The following TMEM143 variants were observed in gnomAD, a reference collection of about 807,000 sequenced individuals.
TMEM143 encodes transmembrane protein 143.
A neutral mutation model predicts 40.3 loss-of-function variants in TMEM143; 45 were observed. The ratio of observed to expected loss-of-function variants is 1.12; its 90% CI spans 0.88 to 1.43. The LOEUF (loss-of-function observed/expected upper bound fraction) is 1.43. Among genes scored for constraint, TMEM143 ranks in the 40% most tolerant of loss-of-function variants. The pLI, the probability that TMEM143 is intolerant of heterozygous loss-of-function variation, is 0.00. For synonymous variants in TMEM143, 299 were observed against 282.7 expected, an observed-to-expected ratio of 1.06 and a Z score of -0.58; for missense variants, 620 against 613.4, an observed-to-expected ratio of 1.01 and a Z score of -0.11.
Position 48,333,210 on chromosome 19 carries a change from A to G in TMEM143, c.*9T>C, listed in dbSNP as rs200166691. ...TAGCCTGCTGACTGGGCAGGGAGGT[A>G]GGTTCTACTCAGGAGATGTTACTGC... is the stretch of plus-strand genomic sequence containing the variant. On this transcript the variant is annotated 3_prime_UTR_variant, in exon 8 of 8. Transcript: ENST00000293261. This position sits in a 1 kb window ranked among gnomAD's most constrained non-coding sequence, Gnocchi z 4.1. The G allele has an allele frequency of 3.7e-5, 53 of 1,438,724 alleles. No individual in the cohort carries two copies. The African/African-American group carries it at 7.5e-4, about 20-fold the overall frequency. 89.1% of individuals were successfully genotyped at this position (1,438,724 alleles called of 1,614,324 possible).
intron 5 of TMEM143, 178 bp downstream of exon 5, chr19:48,343,143 A>T: frequency 1.2e-6 from 1 of 825,572 alleles, no homozygotes; most frequent in South Asian, 1.8e-5. Context: ...CCTGGGAATC[A>T]AGTGTAGTAC....
intron 4 of TMEM143, 135 bp from the exon 5 acceptor site, chr19:48,343,586 G>A (rs1421606460): frequency 8.3e-7 from 1 of 1,207,908 alleles, no homozygotes; most frequent in South Asian, 1.5e-5. Flanking sequence ...TCTAGGCAGG[G>A]CTGTCACATA....
chr19:48,358,338 C>T (rs1180482316), intron 3 of TMEM143, among the ~76,000 whole-genome samples: 1 of 151,192 alleles, frequency 6.6e-6, no homozygotes. Context: ...GAGCCAAGAT[C>T]GCACCATTGC....
At position 48,333,157 on chromosome 19, in the gene TMEM143, T is replaced by C; in HGVS notation, c.*62A>G. On this transcript the variant is annotated 3_prime_UTR_variant, in exon 8 of 8. Coordinates refer to ENST00000293261, the MANE Select transcript of TMEM143 (RefSeq NM_018273.4). This position sits in a 1 kb window ranked among gnomAD's most constrained non-coding sequence, Gnocchi z 4.1. ...AGTATAATAACCGTAATTGACAGCC[T>C]GTCGTGAAGGAGGCGGGGCTTAGTT... is the stretch of plus-strand genomic sequence containing the variant. 1.6e-6 allele frequency: 2 copies of C among 1,259,892 alleles called. No individual in the cohort carries two copies. The highest frequency in any genetic ancestry group is 4.1e-5 in the South Asian group (2 of 48,848). The allele number at this position is 1,259,892 out of a possible 1,614,324, so 78.0% of individuals were successfully genotyped here. A position where few individuals can be genotyped will look rare whatever the true frequency, so the allele number is the denominator to read the frequency against.
intron 3 of TMEM143, among the ~76,000 whole-genome samples, chr19:48,351,457 C>T (rs1419821716): frequency 2.0e-5 from 3 of 152,178 alleles, no homozygotes; most frequent in Non-Finnish European, 4.4e-5. Context: ...CACCAGAGGG[C>T]GCCAGTTTGC....
At chr19:48,353,047 G>A (rs1969811295) in intron 3 of TMEM143, among the ~76,000 whole-genome samples, 1 of 152,056 alleles carries the variant, frequency 6.6e-6, no homozygotes, top group African/African-American at 2.4e-5. Flanking sequence ...GTCTGTACAT[G>A]TTCACTACTG....
At position 48,363,463 on chromosome 19, in the gene TMEM143, C is replaced by T. The variant is rs756930324; in HGVS notation, c.92G>A (p.Trp31Ter). The change falls in exon 2 of 8, where the codon TGG becomes TAG. Residue 31 changes from tryptophan (W) to a stop codon, truncating the protein, a stop_gained. Transcript: ENST00000293261. LOFTEE classifies it high-confidence loss of function. ...CCCGAGGAGCGCGGGCAACAGTGGC[C>T]ATACTCGGACCCTGGACCCCCAGAC... ...RGVWGSRVRVWPLLPALLGPP... is the reference protein window; with the variant it reads ...RGVWGSRVRV 3 of 1,613,964 alleles carry T rather than the reference C, an allele frequency of 1.9e-6. No individual in the cohort carries two copies. The highest frequency in any genetic ancestry group is 1.7e-6 in the Non-Finnish European group (2 of 1,179,992).
chr19:48,341,203 G>T (rs570135851), intron 6 of TMEM143, among the ~76,000 whole-genome samples: 81 of 152,316 alleles, frequency 5.3e-4, no homozygotes, highest in African/African-American at 1.9e-3. Flanking sequence ...TCAGTAAAAG[G>T]CAGCTCCCCT....
chr19:48,352,091 C>A (rs1252628597), intron 3 of TMEM143, among the ~76,000 whole-genome samples: 2 of 151,128 alleles, frequency 1.3e-5, no homozygotes, highest in African/African-American at 2.4e-5. Context: ...ACTAAAAATA[C>A]AAAAAATTAG....
intron 3 of TMEM143, among the ~76,000 whole-genome samples, chr19:48,350,793 G>A (rs1279073670): frequency 3.3e-5 from 5 of 151,798 alleles, no homozygotes; most frequent in East Asian, 1.9e-4. Context: ...ATGGTGGTGC[G>A]CGCCTGTAGT....
chr19:48,355,815 G>A (rs1030954848), intron 3 of TMEM143, among the ~76,000 whole-genome samples: 2 of 152,196 alleles, frequency 1.3e-5, no homozygotes, highest in Non-Finnish European at 2.9e-5. Flanking sequence ...GGGGCCTGGG[G>A]CCACACTGGA....
intron 3 of TMEM143, among the ~76,000 whole-genome samples, chr19:48,356,203 C>T (rs572717053): frequency 7.9e-5 from 12 of 151,796 alleles, no homozygotes; most frequent in South Asian, 4.2e-4. Context: ...CTGCAACCTC[C>T]GCCTCCTGGG....
At chr19:48,345,099 A>T (rs1969589999) in intron 4 of TMEM143, 61 bp downstream of exon 4, 6 of 1,560,594 alleles carry the variant, frequency 3.8e-6, no homozygotes, top group Non-Finnish European at 5.2e-6. Context: ...CATGCCTCTC[A>T]GAGGCTCTGC....
chr19:48,334,416 C>CTCTTTTTCTT, intron 6 of TMEM143, among the ~76,000 whole-genome samples: 1 of 108,200 alleles, frequency 9.2e-6, no homozygotes, highest in Non-Finnish European at 2.0e-5. Flanking sequence ...TTCTTTTTCT[C>CTCTTTTTCTT]TCTTTCTTTC....
At position 48,333,876 on chromosome 19, in the gene TMEM143, G is replaced by T; in HGVS notation, c.1165+132C>A. 3 of 976,126 alleles carry T rather than the reference G, an allele frequency of 3.1e-6. No individual in the cohort carries two copies. The highest frequency in any genetic ancestry group is 4.4e-6 in the Non-Finnish European group (3 of 681,822). The allele number at this position is 976,126 out of a possible 1,614,324, so 60.5% of individuals were successfully genotyped here. On this transcript the variant is annotated intron_variant, in intron 7 of 7. Coordinates refer to ENST00000293261, the MANE Select transcript of TMEM143 (RefSeq NM_018273.4). This position sits in a 1 kb window ranked among gnomAD's most constrained non-coding sequence, Gnocchi z 4.1. ...GAGTCTGGATTCGGAGGTCCTGTCT[G>T]CTGAGGGCCGGGGTCTCTTCGCAAA...
chr19:48,346,467 C>T (rs956680784), intron 3 of TMEM143, among the ~76,000 whole-genome samples: 1 of 152,118 alleles, frequency 6.6e-6, no homozygotes, highest in African/African-American at 2.4e-5. Flanking sequence ...TGAATCCACC[C>T]TCCTCTCTAT....
chr19:48,358,666 T>C (rs561589181), intron 3 of TMEM143, among the ~76,000 whole-genome samples: 1 of 152,248 alleles, frequency 6.6e-6, no homozygotes, highest in African/African-American at 2.4e-5. Flanking sequence ...TCTGACCGTT[T>C]TTCACCATTT....
At chr19:48,342,178 GGGAGGGGAGA>G (rs1190588881) in intron 6 of TMEM143, among the ~76,000 whole-genome samples, 2 of 113,492 alleles carry the variant, frequency 1.8e-5, no homozygotes, top group African/African-American at 3.3e-5. Context: ...GGAAGGGGAG[GGGAGGGGAGA>G]GGAGGGGAGG....
intron 6 of TMEM143, among the ~76,000 whole-genome samples, chr19:48,335,305 G>T (rs573102599): frequency 3.3e-5 from 5 of 152,222 alleles, no homozygotes; most frequent in Admixed American, 1.3e-4. Context: ...TAGGCCAAGT[G>T]CAGTGGCTCA....
Sources: gnomAD v4.1 joint callset for allele counts (sites outside exome capture counted in the v4.1 genomes callset) on GRCh38, gnomAD v4.1.1 for gene constraint, Gnocchi (gnomAD v3.1) non-coding constraint, MANE v1.5 for transcripts, NCBI Gene and HGNC (gene_info 2026-07-23, HGNC 2026-07-21) for gene names.